The following EIF2AK4 variants were observed in gnomAD, a reference collection of about 807,000 sequenced individuals.
EIF2AK4 encodes the protein eukaryotic translation initiation factor 2 alpha kinase 4.
Under a neutral mutation model 211.1 loss-of-function variants are expected in EIF2AK4, and 139 were observed. That is an observed-to-expected ratio of 0.66 (90% CI 0.57 to 0.76). The LOEUF is 0.76. Among genes scored for constraint, EIF2AK4 ranks in the 30% least tolerant of loss-of-function variants. The probability of loss-of-function intolerance (pLI) is 0.00; values close to 1 mark genes in which losing one functional copy is unlikely to be tolerated. For synonymous variants in EIF2AK4, 710 were observed against 751.3 expected, an observed-to-expected ratio of 0.94 and a Z score of 0.90; for missense variants, 1,664 against 2,043.8, an observed-to-expected ratio of 0.81 and a Z score of 3.58.
chr15:40,003,361 C>T, intron 23 of EIF2AK4, 47 bp downstream of exon 23: 1 of 1,605,734 alleles, frequency 6.2e-7, no homozygotes, highest in South Asian at 1.1e-5. Flanking sequence ...TGTATCTAGT[C>T]ACAGGGATGG....
At chr15:39,958,132 G>A (rs1490887989) in intron 6 of EIF2AK4, among the ~76,000 whole-genome samples, 1 of 152,216 alleles carries the variant, frequency 6.6e-6, no homozygotes, top group Non-Finnish European at 1.5e-5. Flanking sequence ...GCGTGAGGCT[G>A]TATTTGTGAA....
rs771052878 is a variant in EIF2AK4, at chr15:40,011,295, G to T, written c.3708G>T (p.Thr1236=). 3.7e-6 allele frequency: 6 copies of T among 1,613,760 alleles called. No individual in the cohort carries two copies. The highest frequency in any genetic ancestry group is 5.1e-6 in the Non-Finnish European group (6 of 1,179,902). Residue 1236 remains threonine, a synonymous_variant, in exon 27 of 39, where the codon ACG becomes ACT. Coordinates refer to ENST00000263791, the MANE Select transcript of EIF2AK4 (RefSeq NM_001013703.4). ...ILYDAVTEKL[T]RREVEAKFCN... is the part of the protein sequence containing the mutation. ...TTCCACGTTAGACAGAGAAGCTGAC[G>T]AGGAGAGAAGTGGAAGCTAAATTTT... is the stretch of plus-strand genomic sequence containing the variant.
intron 2 of EIF2AK4, among the ~76,000 whole-genome samples, chr15:39,940,838 T>G (rs2034135597): frequency 6.6e-6 from 1 of 152,146 alleles, no homozygotes; most frequent in African/African-American, 2.4e-5. Context: ...TTTCTGATGC[T>G]AGTGGCAAGT....
intron 12 of EIF2AK4, 75 bp downstream of exon 12, chr15:39,976,919 C>G: frequency 7.3e-7 from 1 of 1,364,860 alleles, no homozygotes. Flanking sequence ...TTCCTTTTTC[C>G]TTTCATTTCC....
intron 11 of EIF2AK4, 88 bp from the exon 12 acceptor site, chr15:39,976,326 C>A: frequency 2.8e-6 from 4 of 1,412,572 alleles, no homozygotes; most frequent in Non-Finnish European, 3.8e-6. Flanking sequence ...TAGAACTTCA[C>A]GCTTTCCTTG....
chr15:40,027,390 C>T (rs1185392446), intron 33 of EIF2AK4, among the ~76,000 whole-genome samples: 1 of 152,138 alleles, frequency 6.6e-6, no homozygotes, highest in Non-Finnish European at 1.5e-5. Context: ...TAGTTTTGAC[C>T]TTGCAAGACC....
chr15:39,981,697 A>C (rs2034790318), intron 13 of EIF2AK4, among the ~76,000 whole-genome samples: 1 of 152,204 alleles, frequency 6.6e-6, no homozygotes, highest in Non-Finnish European at 1.5e-5. Flanking sequence ...AATACTAACT[A>C]ATACTTTTTC....
intron 29 of EIF2AK4, among the ~76,000 whole-genome samples, chr15:40,018,177 GAGA>G (rs1206230609): frequency 6.6e-6 from 1 of 152,170 alleles, no homozygotes; most frequent in Admixed American, 6.5e-5. Context: ...AACTCAAGGG[GAGA>G]AGAAGGTCTA....
chr15:39,965,753 G>A lies in EIF2AK4; in HGVS notation c.927G>A (p.Leu309=). The A allele has an allele frequency of 1.2e-6, 2 of 1,614,094 alleles. No homozygotes were observed. The highest frequency in any genetic ancestry group is 1.7e-6 in the Non-Finnish European group (2 of 1,179,974). Residue 309 remains leucine (L), a synonymous_variant, in exon 8 of 39, where the codon TTG becomes TTA. Transcript: ENST00000263791. ...ALETATGGFV[L]LYEWVLQWQK... is the part of the protein sequence containing the mutation. ...AAACAGCCACTGGTGGCTTTGTCTT[G>A]TTGTATGAGTGGGTCCTTCAGTGGC...
At chr15:40,000,188 A>G (rs1184361628) in intron 20 of EIF2AK4, among the ~76,000 whole-genome samples, 1 of 152,162 alleles carries the variant, frequency 6.6e-6, no homozygotes. Context: ...AAGTTGTATC[A>G]TGTCATTTTC....
chr15:39,960,648 G>A (rs1029610843), intron 6 of EIF2AK4, among the ~76,000 whole-genome samples: 2 of 151,952 alleles, frequency 1.3e-5, no homozygotes, highest in East Asian at 3.9e-4. Context: ...TGAGGGAGGG[G>A]AATGTATGGA....
intron 33 of EIF2AK4, among the ~76,000 whole-genome samples, chr15:40,028,317 C>G (rs2035493655): frequency 6.6e-6 from 1 of 152,130 alleles, no homozygotes; most frequent in South Asian, 2.1e-4. Context: ...TCAAGCAACT[C>G]TCCCGCCTCA....
intron 30 of EIF2AK4, among the ~76,000 whole-genome samples, chr15:40,020,099 G>A (rs1468740374): frequency 6.6e-6 from 1 of 151,642 alleles, no homozygotes; most frequent in Non-Finnish European, 1.5e-5. Context: ...CCCAGGAGGG[G>A]GAGGTTGCAG....
In EIF2AK4 at chr15:39,939,515, C is replaced by A; in HGVS notation, c.155C>A (p.Pro52His). The change falls in exon 2 of 39, where the codon CCC (proline) becomes CAC (histidine). Residue 52 changes from proline to histidine, a missense_variant. By Grantham distance (77) the Pro-to-His change is moderately conservative (BLOSUM62 -2). This residue lies in a region of EIF2AK4 where 641 missense variants were observed against 729.6 expected (regional missense o/e 0.88). Coordinates refer to ENST00000263791, the MANE Select transcript of EIF2AK4 (RefSeq NM_001013703.4). ...RPDACGPVKE[P>H]PEINLVLYPQ... The stretch of plus-strand genomic sequence containing the variant: ...TTTTTCCTCTTTTAGGTCAAAGAGC[C>A]CCCTGAAATCAATTTAGTTTTGTAC... The A allele has an allele frequency of 1.3e-6, 2 of 1,597,222 alleles. No individual in the cohort carries two copies. Among genetic ancestry groups the A allele is most frequent in the Non-Finnish European group, 8.5e-7 (1 of 1,171,250 alleles).
At chr15:39,947,849 A>G (rs2034250733) in intron 3 of EIF2AK4, among the ~76,000 whole-genome samples, 1 of 151,776 alleles carries the variant, frequency 6.6e-6, no homozygotes, top group South Asian at 2.1e-4. Flanking sequence ...ATCCAGTCTT[A>G]GAAGGTTTAT....
intron 13 of EIF2AK4, chr15:39,978,361 G>A (rs1449224288): frequency 6.9e-6 from 2 of 290,894 alleles, no homozygotes; most frequent in Non-Finnish European, 1.3e-5. Flanking sequence ...CCTCCTTTTA[G>A]AAGAGAGGAG....
At chr15:39,977,003 G>A in intron 12 of EIF2AK4, 159 bp downstream of exon 12, 1 of 936,284 alleles carries the variant, frequency 1.1e-6, no homozygotes, top group Non-Finnish European at 1.4e-6. Flanking sequence ...CAGGCTGGAG[G>A]TCAGTGGCGC....
At chr15:39,937,865 A>G (rs562855418) in intron 1 of EIF2AK4, among the ~76,000 whole-genome samples, 40 of 152,322 alleles carry the variant, frequency 2.6e-4, no homozygotes, top group African/African-American at 9.6e-4. Flanking sequence ...TGCCATTCCT[A>G]CAAGCCCAGT....
At position 39,976,477 on chromosome 15, in the gene EIF2AK4, C is replaced by T; in HGVS notation, c.1882C>T (p.Arg628Trp). 1 of 1,611,042 alleles carries T rather than the reference C, an allele frequency of 6.2e-7. No homozygotes were observed. The highest frequency in any genetic ancestry group is 1.1e-5 in the South Asian group (1 of 90,520). ...VKRIPINPASRQFRRIKGEVT... is the reference protein window; with the variant it reads ...VKRIPINPASWQFRRIKGEVT... ...GCGCATCCCCATCAACCCGGCCAGC[C>T]GGCAGTTCCGCAGGATCAAGGGCGA... The change falls in exon 12 of 39, where the codon CGG becomes TGG. Residue 628 changes from arginine (R) to tryptophan (W), a missense_variant. Physicochemically the swap from Arg to Trp is moderately radical, Grantham distance 101. Around this residue, in one of 7 missense-constraint regions of EIF2AK4, gnomAD observed 37 missense variants for 84.0 expected, o/e 0.44. Coordinates refer to ENST00000263791, the MANE Select transcript of EIF2AK4 (RefSeq NM_001013703.4).
Sources: allele counts gnomAD v4.1 joint callset (sites outside exome capture counted in the v4.1 genomes callset), GRCh38; gene constraint gnomAD v4.1.1; regional missense constraint gnomAD v4.1.1; transcripts MANE v1.5; gene names NCBI Gene and HGNC (gene_info 2026-07-23, HGNC 2026-07-21).